Variants in CDK8 observed in about 807,000 individuals in gnomAD.
CDK8 encodes the protein cyclin-dependent kinase 8.
A neutral mutation model predicts 71.5 loss-of-function variants in CDK8; 29 were observed. That is an observed-to-expected ratio of 0.41 (90% CI 0.30 to 0.55). The LOEUF (loss-of-function observed/expected upper bound fraction) is 0.55, where lower values mean the gene tolerates loss of function less well. Among genes scored for constraint, CDK8 ranks in the 20% least tolerant of loss-of-function variants. The pLI is 0.37. For missense variants in CDK8, 288 were observed against 572.6 expected (o/e 0.50, Z 5.07); for synonymous variants, 161 against 192.1 (o/e 0.84, Z 1.34).
chr13:26,278,995 C>G (rs900971723), intron 1 of CDK8, among the ~76,000 whole-genome samples: 1 of 152,110 alleles, frequency 6.6e-6, no homozygotes, highest in African/African-American at 2.4e-5. Context: ...GCAGATACCA[C>G]GTCATTTTAT....
At chr13:26,282,187 C>G (rs1222340235) in intron 1 of CDK8, among the ~76,000 whole-genome samples, 6 of 152,228 alleles carry the variant, frequency 3.9e-5, no homozygotes, top group African/African-American at 1.2e-4. Flanking sequence ...CACAAGAGAT[C>G]TAGGTATCCA....
At chr13:26,365,770 G>A (rs1874358568) in intron 4 of CDK8, among the ~76,000 whole-genome samples, 1 of 151,840 alleles carries the variant, frequency 6.6e-6, no homozygotes, top group Non-Finnish European at 1.5e-5. Flanking sequence ...CCAAAAACCT[G>A]GACAGATAGG....
At chr13:26,381,767 G>A (rs1222507925) in intron 4 of CDK8, among the ~76,000 whole-genome samples, 1 of 150,174 alleles carries the variant, frequency 6.7e-6, no homozygotes, top group Non-Finnish European at 1.5e-5. Context: ...TTTTTTTTTG[G>A]CTGGGAATAA....
At chr13:26,384,750 G>T (rs1311071664) in intron 5 of CDK8, among the ~76,000 whole-genome samples, 1 of 152,184 alleles carries the variant, frequency 6.6e-6, no homozygotes, top group Non-Finnish European at 1.5e-5. Flanking sequence ...CCAAGTAATA[G>T]GGGAAATAAT....
At chr13:26,346,029 A>G (rs1302500783) in intron 2 of CDK8, among the ~76,000 whole-genome samples, 3 of 152,170 alleles carry the variant, frequency 2.0e-5, no homozygotes, top group East Asian at 3.9e-4. Flanking sequence ...TTCCTCTAGG[A>G]TGTTAGCTCT....
chr13:26,331,311 G>C (rs76587055), intron 1 of CDK8, among the ~76,000 whole-genome samples: 6 of 151,980 alleles, frequency 3.9e-5, no homozygotes, highest in African/African-American at 9.7e-5. Context: ...TTCTCCTGTT[G>C]GGCTGTTTGA....
chr13:26,296,749 G>A (rs1217777975), intron 1 of CDK8, among the ~76,000 whole-genome samples: 2 of 152,090 alleles, frequency 1.3e-5, no homozygotes, highest in South Asian at 2.1e-4. Context: ...AATTTGTAGC[G>A]CCAGTATCAT....
chr13:26,261,433 C>T (rs1300386522), intron 1 of CDK8, among the ~76,000 whole-genome samples: 1 of 152,084 alleles, frequency 6.6e-6, no homozygotes, highest in Admixed American at 6.6e-5. Flanking sequence ...TTCATGACCC[C>T]AAAAAGAAAC....
intron 1 of CDK8, among the ~76,000 whole-genome samples, chr13:26,302,355 A>AT (rs1186368927): frequency 6.6e-5 from 10 of 152,284 alleles, no homozygotes; most frequent in Admixed American, 5.9e-4. Flanking sequence ...GGTCTTCCCA[A>AT]TTTTTTTGCA....
At chr13:26,351,000 A>G (rs949565563) in intron 3 of CDK8, among the ~76,000 whole-genome samples, 2 of 152,122 alleles carry the variant, frequency 1.3e-5, no homozygotes, top group Non-Finnish European at 2.9e-5. Context: ...TTTGAGATAT[A>G]TATATAGAAA....
intron 1 of CDK8, among the ~76,000 whole-genome samples, chr13:26,283,846 C>T (rs1256082078): frequency 2.0e-5 from 3 of 149,444 alleles, no homozygotes; most frequent in African/African-American, 7.5e-5. Context: ...TGCAGTGAGC[C>T]GAGATCATGC....
chr13:26,260,715 A>G (rs758170589), intron 1 of CDK8, among the ~76,000 whole-genome samples: 3 of 152,234 alleles, frequency 2.0e-5, no homozygotes, highest in Non-Finnish European at 2.9e-5. Context: ...TATAATTATT[A>G]TAGGCCATTT....
chr13:26,400,158 T>G (rs1190893305), intron 9 of CDK8: 15 of 270,256 alleles, frequency 5.6e-5, no homozygotes. Flanking sequence ...AATACACAAA[T>G]TTTGGTCCTG....
At chr13:26,310,644 CAT>C (rs1334005715) in intron 1 of CDK8, among the ~76,000 whole-genome samples, 1 of 152,136 alleles carries the variant, frequency 6.6e-6, no homozygotes, top group Non-Finnish European at 1.5e-5. Flanking sequence ...TAGGTGGTAA[CAT>C]GAGCTATAGG....
At chr13:26,329,096 A>ATCT (rs1875167008) in intron 1 of CDK8, among the ~76,000 whole-genome samples, 1 of 152,122 alleles carries the variant, frequency 6.6e-6, no homozygotes, top group African/African-American at 2.4e-5. Flanking sequence ...TTTTTATGCT[A>ATCT]TCTTCAGTCT....
chr13:26,397,636 A>G (rs187004522), intron 9 of CDK8, among the ~76,000 whole-genome samples: 4 of 152,274 alleles, frequency 2.6e-5, no homozygotes, highest in Admixed American at 2.6e-4. Flanking sequence ...CTTAATTTCC[A>G]AAATACCTCT....
intron 1 of CDK8, among the ~76,000 whole-genome samples, chr13:26,294,343 G>A (rs1023577899): frequency 2.0e-5 from 3 of 152,104 alleles, no homozygotes; most frequent in Admixed American, 6.6e-5. Flanking sequence ...TGATTCTTAT[G>A]TGATTCTGTA....
intron 4 of CDK8, among the ~76,000 whole-genome samples, chr13:26,380,653 A>AT (rs1243698281): frequency 9.9e-5 from 15 of 151,716 alleles, no homozygotes; most frequent in Middle Eastern, 3.4e-3. Flanking sequence ...AAAAAAAAAA[A>AT]TTTTTTTTGT....
intron 1 of CDK8, among the ~76,000 whole-genome samples, chr13:26,261,975 T>G (rs757269032): frequency 1.2e-4 from 19 of 152,222 alleles, no homozygotes; most frequent in Non-Finnish European, 2.4e-4. Flanking sequence ...ATTGCAGTAA[T>G]TCTGAAACAG....
Sources: gnomAD v4.1 joint callset for allele counts (sites outside exome capture counted in the v4.1 genomes callset) on GRCh38, gnomAD v4.1.1 for gene constraint, MANE v1.5 for transcripts, NCBI Gene and HGNC (gene_info 2026-07-23, HGNC 2026-07-21) for gene names.